PSTPIP2: variants seen among roughly 807,000 people sequenced by gnomAD.
PSTPIP2 encodes the protein proline-serine-threonine phosphatase-interacting protein 2.
Under a neutral mutation model 63.3 loss-of-function variants are expected in PSTPIP2, and 33 were observed. That is an observed-to-expected ratio of 0.52 (90% confidence interval 0.40 to 0.70). PSTPIP2 has a LOEUF of 0.70. PSTPIP2 is among the 30% of genes least tolerant of loss of function. The probability of loss-of-function intolerance (pLI) is 0.00; values close to 1 mark genes in which losing one functional copy is unlikely to be tolerated. For missense variants in PSTPIP2, 312 were observed against 400.7 expected, an observed-to-expected ratio of 0.78 and a Z score of 1.89; for synonymous variants, 125 against 132.7, an observed-to-expected ratio of 0.94 and a Z score of 0.40.
intron 1 of PSTPIP2, among the ~76,000 whole-genome samples, chr18:46,064,278 CTTTCTTTTTT>C (rs1909093228): frequency 8.8e-6 from 1 of 113,034 alleles, no homozygotes; most frequent in Admixed American, 9.1e-5. Context: ...CTTTCTTTTT[CTTTCTTTTTT>C]TTTTTTTTTT....
chr18:45,993,695 C>T lies in PSTPIP2; in HGVS notation c.651G>A (p.Glu217=). Residue 217 remains glutamate, a synonymous_variant, in exon 10 of 15, where the codon GAG becomes GAA. Coordinates refer to ENST00000409746, the MANE Select transcript of PSTPIP2 (RefSeq NM_024430.4). The stretch of plus-strand genomic sequence containing the variant: ...AGTTTATTCGTTCACATTCTTGAGC[C>T]TCAAATGCCTACAGAAAAATAGCTA... ...SEHIKACEAF[E]AQECERINFF... 1 of 1,613,936 alleles carries T rather than the reference C, an allele frequency of 6.2e-7. No homozygotes were observed.
At chr18:46,043,192 C>A (rs1031412050) in intron 1 of PSTPIP2, among the ~76,000 whole-genome samples, 3 of 146,960 alleles carry the variant, frequency 2.0e-5, no homozygotes, top group Non-Finnish European at 4.4e-5. Flanking sequence ...TCAAGACCAG[C>A]CTGGGCAACA....
At chr18:46,004,059 C>A (rs1386989737) in intron 6 of PSTPIP2, among the ~76,000 whole-genome samples, 1 of 152,098 alleles carries the variant, frequency 6.6e-6, no homozygotes, top group Non-Finnish European at 1.5e-5. Context: ...AGCCACTATA[C>A]CCAGCCAGAA....
intron 4 of PSTPIP2, among the ~76,000 whole-genome samples, chr18:46,014,534 T>A (rs934513193): frequency 6.6e-6 from 1 of 151,976 alleles, no homozygotes; most frequent in Non-Finnish European, 1.5e-5. Flanking sequence ...GGCAACATAG[T>A]GACACCCCAT....
At chr18:46,029,843 G>A (rs557829832) in intron 2 of PSTPIP2, 19 of 408,534 alleles carry the variant, frequency 4.7e-5, no homozygotes, top group African/African-American at 3.3e-4. Flanking sequence ...GGCTGGGCGC[G>A]GTGGCTCACA....
intron 5 of PSTPIP2, among the ~76,000 whole-genome samples, chr18:46,009,499 C>T (rs1024346783): frequency 2.0e-5 from 3 of 151,850 alleles, no homozygotes; most frequent in Non-Finnish European, 4.4e-5. Context: ...AAGGTATTAT[C>T]CCACTGCAGA....
intron 3 of PSTPIP2, among the ~76,000 whole-genome samples, 178 bp downstream of exon 3, chr18:46,024,431 C>A (rs1406833626): frequency 1.3e-5 from 2 of 152,138 alleles, no homozygotes; most frequent in African/African-American, 4.8e-5. Flanking sequence ...AGCCACTGCG[C>A]CTGACTGAGG....
At chr18:46,022,591 A>C (rs1907403760) in intron 3 of PSTPIP2, among the ~76,000 whole-genome samples, 1 of 151,472 alleles carries the variant, frequency 6.6e-6, no homozygotes, top group South Asian at 2.1e-4. Context: ...AAAACATGAG[A>C]CCCCTTGTTT....
At chr18:46,026,459 C>G (rs1907583955) in intron 2 of PSTPIP2, among the ~76,000 whole-genome samples, 1 of 152,206 alleles carries the variant, frequency 6.6e-6, no homozygotes, top group Non-Finnish European at 1.5e-5. Context: ...TATGTATATA[C>G]AACTTATTCT....
chr18:46,043,471 T>A (rs1908268594), intron 1 of PSTPIP2, among the ~76,000 whole-genome samples: 1 of 151,328 alleles, frequency 6.6e-6, no homozygotes, highest in Non-Finnish European at 1.5e-5. Context: ...CACCTCACAA[T>A]AGAAAATCAA....
intron 3 of PSTPIP2, among the ~76,000 whole-genome samples, chr18:46,019,241 A>T (rs531953044): frequency 6.6e-6 from 1 of 152,188 alleles, no homozygotes; most frequent in South Asian, 2.1e-4. Flanking sequence ...GCATCATTTT[A>T]TATATATATG....
At chr18:46,065,019 CTG>C (rs1194438646) in intron 1 of PSTPIP2, among the ~76,000 whole-genome samples, 2 of 151,458 alleles carry the variant, frequency 1.3e-5, no homozygotes, top group Non-Finnish European at 2.9e-5. Flanking sequence ...TGGTGCATGC[CTG>C]TAATTCCAGC....
In PSTPIP2 at chr18:45,990,705, C is replaced by CT; in HGVS notation, c.955+16dup. ...TTGCAATATAAGAATTTCAAAAGAC[C>CT]TTTTTTAGTGGCATACCTGGTGAGC... is the stretch of plus-strand genomic sequence containing the variant. On this transcript the variant is annotated intron_variant, in intron 13 of 14. Transcript: ENST00000409746. 6.3e-7 allele frequency: 1 copy of CT among 1,597,900 alleles called. No homozygotes were observed. The highest frequency in any genetic ancestry group is 8.6e-7 in the Non-Finnish European group (1 of 1,166,566).
chr18:46,027,080 G>A (rs932250338), intron 2 of PSTPIP2, among the ~76,000 whole-genome samples: 15 of 151,944 alleles, frequency 9.9e-5, no homozygotes, highest in Middle Eastern at 3.4e-3. Flanking sequence ...GATCACCTGA[G>A]GTCAAGAGTT....
chr18:46,067,278 G>A (rs916068845), intron 1 of PSTPIP2, among the ~76,000 whole-genome samples: 14 of 151,932 alleles, frequency 9.2e-5, no homozygotes, highest in South Asian at 2.1e-4. Flanking sequence ...CGAGGCGGGC[G>A]GATCACGAGA....
intron 2 of PSTPIP2, chr18:46,029,329 T>C: frequency 6.4e-7 from 1 of 1,557,840 alleles, no homozygotes; most frequent in East Asian, 2.2e-5. Context: ...ACCAAAGAAC[T>C]GATTGGAAGC....
chr18:45,992,787 A>G (rs1312341068), intron 10 of PSTPIP2, among the ~76,000 whole-genome samples: 1 of 151,236 alleles, frequency 6.6e-6, no homozygotes, highest in Admixed American at 6.6e-5. Flanking sequence ...CAGTGGTGCA[A>G]TCTCAGCTCA....
At chr18:46,022,010 A>C (rs1331461926) in intron 3 of PSTPIP2, among the ~76,000 whole-genome samples, 1 of 152,152 alleles carries the variant, frequency 6.6e-6, no homozygotes, top group Admixed American at 6.5e-5. Context: ...CTTGGTGACA[A>C]ATATGAGTAA....
chr18:46,000,964 G>A lies in PSTPIP2; in HGVS notation c.418-1430C>T, dbSNP rs1421872642. ...TGACTAAGATAAATAAAGAAAATAC[G>A]GCACATATACACAATGGAACACTAC... On this transcript the variant is annotated intron_variant, in intron 6 of 14. Coordinates refer to ENST00000409746, the MANE Select transcript of PSTPIP2 (RefSeq NM_024430.4). 3.3e-5 allele frequency among the ~76,000 whole-genome samples: 5 copies of A among 152,014 alleles called. No homozygotes were observed. The South Asian group carries it at 6.2e-4, about 19-fold the overall frequency.
Sources: gnomAD v4.1 joint callset for allele counts (sites outside exome capture counted in the v4.1 genomes callset) on GRCh38, gnomAD v4.1.1 for gene constraint, MANE v1.5 for transcripts, NCBI Gene and HGNC (gene_info 2026-07-23, HGNC 2026-07-21) for gene names.